Variants in FHIT observed in about 807,000 individuals in gnomAD.
FHIT encodes the protein bis(5'-adenosyl)-triphosphatase.
FHIT carries 19 observed loss-of-function variants against 17.9 expected under a neutral mutation model. That is an observed-to-expected ratio of 1.06 (90% CI 0.74 to 1.56). FHIT has a LOEUF of 1.56. Among genes scored for constraint, FHIT ranks in the 40% most tolerant of loss-of-function variants. The probability of loss-of-function intolerance (pLI) is 0.00; values close to 1 mark genes in which losing one functional copy is unlikely to be tolerated. For missense variants in FHIT, 248 were observed against 189.2 expected, an observed-to-expected ratio of 1.31 and a Z score of -1.82; for synonymous variants, 81 against 69.7, an observed-to-expected ratio of 1.16 and a Z score of -0.81.
chr3:61,138,873 T>C (rs573564459), intron 2 of FHIT, among the ~76,000 whole-genome samples: 5 of 152,180 alleles, frequency 3.3e-5, no homozygotes, highest in African/African-American at 1.2e-4. Context: ...AATTAACCAT[T>C]TGACTTCAAA....
chr3:59,774,134 A>G (rs1472655196), intron 8 of FHIT, among the ~76,000 whole-genome samples: 3 of 152,170 alleles, frequency 2.0e-5, no homozygotes, highest in Non-Finnish European at 2.9e-5. Context: ...TTGGATAATG[A>G]TCAAGAACAG....
At chr3:60,592,583 A>G (rs930066598) in intron 4 of FHIT, among the ~76,000 whole-genome samples, 1 of 152,160 alleles carries the variant, frequency 6.6e-6, no homozygotes, top group South Asian at 2.1e-4. Context: ...CAGCCATGCC[A>G]TTCACTGCCT....
At chr3:59,909,743 C>T (rs1393575636) in intron 8 of FHIT, among the ~76,000 whole-genome samples, 1 of 152,180 alleles carries the variant, frequency 6.6e-6, no homozygotes, top group Non-Finnish European at 1.5e-5. Context: ...TCACTAGGTT[C>T]ACCAAACAAC....
chr3:60,291,338 G>T (rs201049501), intron 5 of FHIT, among the ~76,000 whole-genome samples: 47 of 152,224 alleles, frequency 3.1e-4, no homozygotes, highest in African/African-American at 9.9e-4. Context: ...GACTAGGTTT[G>T]CCATTTGCAT....
chr3:60,554,783 T>C (rs892856482), intron 4 of FHIT, among the ~76,000 whole-genome samples: 1 of 152,236 alleles, frequency 6.6e-6, no homozygotes, highest in East Asian at 1.9e-4. Flanking sequence ...GAATACAACA[T>C]AATAATTACT....
chr3:61,154,203 G>A (rs2037471324), intron 2 of FHIT, among the ~76,000 whole-genome samples: 1 of 152,184 alleles, frequency 6.6e-6, no homozygotes, highest in Non-Finnish European at 1.5e-5. Flanking sequence ...GGATATTCAT[G>A]AAAGCCATTT....
chr3:59,976,249 G>T (rs185544416), intron 7 of FHIT, among the ~76,000 whole-genome samples: 6 of 151,950 alleles, frequency 3.9e-5, no homozygotes, highest in African/African-American at 1.2e-4. Flanking sequence ...AGATAAAATC[G>T]AAGTTCTTTC....
At chr3:60,996,857 TAATAAA>T (rs2030711754) in intron 3 of FHIT, among the ~76,000 whole-genome samples, 1 of 152,242 alleles carries the variant, frequency 6.6e-6, no homozygotes, top group African/African-American at 2.4e-5. Flanking sequence ...GAAGAAAACT[TAATAAA>T]AATATGTTTG....
At chr3:60,844,220 T>C (rs1414070025) in intron 3 of FHIT, among the ~76,000 whole-genome samples, 1 of 152,128 alleles carries the variant, frequency 6.6e-6, no homozygotes, top group Non-Finnish European at 1.5e-5. Flanking sequence ...GGAGAAAAGT[T>C]TATTGATTAG....
intron 5 of FHIT, among the ~76,000 whole-genome samples, chr3:60,060,195 A>G (rs1473910185): frequency 6.6e-6 from 1 of 152,094 alleles, no homozygotes; most frequent in East Asian, 1.9e-4. Flanking sequence ...TAAAAAAAAA[A>G]ACCCAAATGT....
intron 5 of FHIT, among the ~76,000 whole-genome samples, chr3:60,053,287 C>G (rs925473950): frequency 1.3e-5 from 2 of 150,238 alleles, no homozygotes; most frequent in Non-Finnish European, 3.0e-5. Flanking sequence ...TATGTCAGTC[C>G]ATAAACATTT....
intron 5 of FHIT, among the ~76,000 whole-genome samples, chr3:60,197,520 G>C (rs1036323406): frequency 1.3e-5 from 2 of 152,132 alleles, no homozygotes; most frequent in Admixed American, 6.5e-5. Context: ...TTGAGCTAAA[G>C]TAAATATTAG....
intron 3 of FHIT, among the ~76,000 whole-genome samples, chr3:60,860,824 GATACATATGTACATATATCAGGTA>G (rs1703748327): frequency 1.7e-4 from 1 of 5,886 alleles, no homozygotes; most frequent in Admixed American, 2.7e-3. Flanking sequence ...AGGTATATAT[GATACATATGTACATATATCAGGTA>G]TATATGAACA....
At chr3:60,364,848 G>C (rs1306204116) in intron 5 of FHIT, among the ~76,000 whole-genome samples, 1 of 152,110 alleles carries the variant, frequency 6.6e-6, no homozygotes, top group African/African-American at 2.4e-5. Flanking sequence ...CACTCTCTCT[G>C]CTTGAGCTGA....
At chr3:60,597,832 CA>C (rs2107707944) in intron 4 of FHIT, among the ~76,000 whole-genome samples, 1 of 152,146 alleles carries the variant, frequency 6.6e-6, no homozygotes, top group Admixed American at 6.5e-5. Flanking sequence ...AATTTGTATG[CA>C]GAGAAGCTAA....
intron 4 of FHIT, among the ~76,000 whole-genome samples, chr3:60,710,429 T>G (rs2041493242): frequency 6.6e-6 from 1 of 151,976 alleles, no homozygotes; most frequent in South Asian, 2.1e-4. Context: ...CGCAGGAGAG[T>G]GGGTGCAGTG....
chr3:61,245,901 C>T (rs1457599309), intron 1 of FHIT, among the ~76,000 whole-genome samples: 2 of 152,150 alleles, frequency 1.3e-5, no homozygotes, highest in African/African-American at 4.8e-5. Context: ...ATCTACTAGG[C>T]TGCATTCCCA....
intron 8 of FHIT, among the ~76,000 whole-genome samples, chr3:59,916,778 A>G (rs1705154833): frequency 6.6e-6 from 1 of 152,202 alleles, no homozygotes; most frequent in Admixed American, 6.5e-5. Context: ...GCATTACTAT[A>G]TGCTTATTTG....
intron 4 of FHIT, among the ~76,000 whole-genome samples, chr3:60,649,130 G>A (rs1348690126): frequency 3.3e-5 from 5 of 152,302 alleles, no homozygotes; most frequent in Admixed American, 6.5e-5. Context: ...GGGCGCGGTG[G>A]CTCACGCCTG....
Sources: allele counts gnomAD v4.1 joint callset (sites outside exome capture counted in the v4.1 genomes callset), GRCh38; gene constraint gnomAD v4.1.1; transcripts MANE v1.5; gene names NCBI Gene and HGNC (gene_info 2026-07-23, HGNC 2026-07-21).